Variants in SEC11C observed in about 807,000 individuals in gnomAD.
The protein encoded by SEC11C is SEC11 homolog C, signal peptidase complex subunit, also known as signal peptidase complex catalytic subunit SEC11C.
In SEC11C, 10 loss-of-function variants were observed where a neutral mutation model predicts 21.9. The observed-to-expected ratio is 0.46, with a 90% confidence interval of 0.28 to 0.77. SEC11C has a LOEUF of 0.77. Ranked by LOEUF, SEC11C falls within the 30% of genes least tolerant of loss-of-function variation. The probability of loss-of-function intolerance (pLI) is 0.12; values close to 1 mark genes in which losing one functional copy is unlikely to be tolerated. For missense variants in SEC11C, 145 were observed against 244.5 expected (o/e 0.59, Z 2.71); for synonymous variants, 83 against 85.6 (o/e 0.97, Z 0.17).
chr18:59,158,092 G>A (rs1308418058), intron 5 of SEC11C, among the ~76,000 whole-genome samples: 1 of 152,066 alleles, frequency 6.6e-6, no homozygotes, highest in Non-Finnish European at 1.5e-5. Flanking sequence ...ATCTGGCTCT[G>A]TTGCTCAGGC....
chr18:59,158,070 T>C (rs561053019), intron 5 of SEC11C, among the ~76,000 whole-genome samples: 225 of 152,132 alleles, frequency 1.5e-3, no homozygotes, highest in African/African-American at 5.2e-3. Flanking sequence ...ATATATATAT[T>C]TTTTGGACGG....
chr18:59,148,866 C>T (rs1414445003), intron 1 of SEC11C, among the ~76,000 whole-genome samples: 4 of 152,140 alleles, frequency 2.6e-5, no homozygotes, highest in Non-Finnish European at 1.5e-5. Flanking sequence ...CCACCCGCCT[C>T]GGCCTCCCAA....
intron 1 of SEC11C, among the ~76,000 whole-genome samples, chr18:59,145,660 A>G (rs919506024): frequency 3.9e-5 from 6 of 152,184 alleles, no homozygotes; most frequent in African/African-American, 1.4e-4. Context: ...GATGCAATCA[A>G]AGGGCTTTAG....
At chr18:59,144,838 T>C (rs1312811887) in intron 1 of SEC11C, among the ~76,000 whole-genome samples, 3 of 152,200 alleles carry the variant, frequency 2.0e-5, no homozygotes, top group South Asian at 2.1e-4. Context: ...TATTTACTAC[T>C]TGTATTTTCC....
At chr18:59,157,196 A>G (rs2069427878) in intron 4 of SEC11C, 1 of 160,772 alleles carries the variant, frequency 6.2e-6, no homozygotes, top group South Asian at 1.9e-4. Context: ...GGGAAATGAA[A>G]ATAATTATTT....
At chr18:59,148,183 C>T (rs1208997671) in intron 1 of SEC11C, among the ~76,000 whole-genome samples, 3 of 152,156 alleles carry the variant, frequency 2.0e-5, no homozygotes, top group Non-Finnish European at 4.4e-5. Context: ...CTGCAGATCA[C>T]CCCAACAACT....
intron 2 of SEC11C, among the ~76,000 whole-genome samples, chr18:59,152,023 A>C (rs2144038331): frequency 6.6e-6 from 1 of 152,216 alleles, no homozygotes; most frequent in African/African-American, 2.4e-5. Context: ...AGGAGGCAAA[A>C]GACTTGGGTT....
chr18:59,150,236 T>C (rs2069331965), intron 2 of SEC11C, among the ~76,000 whole-genome samples: 1 of 152,202 alleles, frequency 6.6e-6, no homozygotes, highest in Admixed American at 6.5e-5. Flanking sequence ...CAAGACGCTG[T>C]CGGTCCAGTG....
intron 1 of SEC11C, among the ~76,000 whole-genome samples, chr18:59,142,048 A>C (rs1338275182): frequency 6.6e-6 from 1 of 152,126 alleles, no homozygotes. Flanking sequence ...CCTGTGAAAC[A>C]TGGTGGTGGT....
chr18:59,142,309 G>A (rs935030026), intron 1 of SEC11C, among the ~76,000 whole-genome samples: 1 of 152,188 alleles, frequency 6.6e-6, no homozygotes, highest in Non-Finnish European at 1.5e-5. Context: ...AACTTTTCAA[G>A]CATGGGAAAT....
At chr18:59,150,743 CT>C (rs528249224) in intron 2 of SEC11C, among the ~76,000 whole-genome samples, 377 of 143,460 alleles carry the variant, frequency 2.6e-3, no homozygotes, top group Middle Eastern at 3.5e-3. Flanking sequence ...GATTTTAAGG[CT>C]TTTTTTTTTT....
chr18:59,146,050 C>T (rs182760434), intron 1 of SEC11C, among the ~76,000 whole-genome samples: 15 of 152,260 alleles, frequency 9.9e-5, no homozygotes, highest in South Asian at 8.3e-4. Flanking sequence ...GGCGCATGAC[C>T]GCCCAGAGTG....
At chr18:59,144,361 A>G (rs1164453694) in intron 1 of SEC11C, among the ~76,000 whole-genome samples, 2 of 152,220 alleles carry the variant, frequency 1.3e-5, no homozygotes, top group South Asian at 2.1e-4. Context: ...ATCAATTTGT[A>G]TCCCCATCAC....
At chr18:59,145,201 G>A (rs1221845387) in intron 1 of SEC11C, among the ~76,000 whole-genome samples, 4 of 152,216 alleles carry the variant, frequency 2.6e-5, no homozygotes, top group Admixed American at 1.3e-4. Context: ...AAACCCCATT[G>A]CACCACCTGT....
At chr18:59,148,326 C>A (rs939349225) in intron 1 of SEC11C, among the ~76,000 whole-genome samples, 2 of 152,228 alleles carry the variant, frequency 1.3e-5, no homozygotes, top group African/African-American at 2.4e-5. Context: ...CCTCTTGCGC[C>A]TGGAAGGAAG....
At chr18:59,140,487 C>G (rs1241929000) in intron 1 of SEC11C, among the ~76,000 whole-genome samples, 1 of 152,214 alleles carries the variant, frequency 6.6e-6, no homozygotes, top group African/African-American at 2.4e-5. Context: ...CGGGAGCTGT[C>G]CAGCGATGCC....
chr18:59,148,984 G>C (rs967783002), intron 1 of SEC11C, among the ~76,000 whole-genome samples: 1 of 152,212 alleles, frequency 6.6e-6, no homozygotes, highest in African/African-American at 2.4e-5. Flanking sequence ...TAAACCTCCA[G>C]GTGTTTAGAG....
At chr18:59,153,636 C>T (rs1283494219) in intron 3 of SEC11C, among the ~76,000 whole-genome samples, 4 of 152,058 alleles carry the variant, frequency 2.6e-5, no homozygotes, top group Non-Finnish European at 5.9e-5. Context: ...CTGCAACTTC[C>T]GCCTCCCGGG....
chr18:59,157,460 A>C, intron 4 of SEC11C, 148 bp from the exon 5 acceptor site: 1 of 624,160 alleles, frequency 1.6e-6, no homozygotes, highest in Non-Finnish European at 2.8e-6. Flanking sequence ...GCTGTTTGAG[A>C]CAGGGCTGAA....
Sources: gnomAD v4.1 joint callset for allele counts (sites outside exome capture counted in the v4.1 genomes callset) on GRCh38, gnomAD v4.1.1 for gene constraint, MANE v1.5 for transcripts, NCBI Gene and HGNC (gene_info 2026-07-23, HGNC 2026-07-21) for gene names.